Variants in PDE6C observed in about 807,000 individuals in gnomAD.
PDE6C encodes the protein cone cGMP-specific 3',5'-cyclic phosphodiesterase subunit alpha'.
PDE6C carries 75 observed loss-of-function variants against 113.1 expected under a neutral mutation model. The ratio of observed to expected loss-of-function variants is 0.66; its 90% CI spans 0.55 to 0.80. PDE6C has a LOEUF of 0.80. PDE6C is among the 30% of genes least tolerant of loss of function. PDE6C has a pLI of 0.00. For synonymous variants in PDE6C, 375 were observed against 363.7 expected (o/e 1.03, Z -0.35); for missense variants, 912 against 1,038.6 (o/e 0.88, Z 1.67).
intron 16 of PDE6C, 58 bp from the exon 17 acceptor site, chr10:93,658,843 A>G (rs77992899): frequency 2.0e-6 from 2 of 1,004,282 alleles, no homozygotes; most frequent in African/African-American, 3.2e-5. Context: ...TGTATTTAAG[A>G]TATTTTTTCT....
At chr10:93,648,842 T>C (rs2058596208) in intron 15 of PDE6C, among the ~76,000 whole-genome samples, 2 of 152,216 alleles carry the variant, frequency 1.3e-5, no homozygotes, top group African/African-American at 4.8e-5. Context: ...AGAACATCTC[T>C]TTCCAAAGCG....
chr10:93,661,592 T>C lies in PDE6C; in HGVS notation c.2209-467T>C, dbSNP rs781195417. Among the ~76,000 whole-genome samples the C allele has an allele frequency of 1.1e-4, 16 of 152,314 alleles. 1 individual carries two copies. Among genetic ancestry groups the C allele is most frequent in the Middle Eastern group, 3.4e-3 (1 of 294 alleles). On this transcript the variant is annotated intron_variant, in intron 18 of 21. Coordinates refer to ENST00000371447, the MANE Select transcript of PDE6C (RefSeq NM_006204.4). The stretch of plus-strand genomic sequence containing the variant: ...GGCAGCTAGCAGGTGTTCAATGAAC[T>C]TGATAAATGTTTTTTTTTAGTGATA...
At chr10:93,653,243 C>A (rs1354957339) in intron 15 of PDE6C, among the ~76,000 whole-genome samples, 1 of 152,184 alleles carries the variant, frequency 6.6e-6, no homozygotes, top group African/African-American at 2.4e-5. Context: ...TACTTTTCCC[C>A]TCCCTGGTAA....
intron 14 of PDE6C, among the ~76,000 whole-genome samples, chr10:93,641,469 A>C (rs2058559734): frequency 6.6e-6 from 1 of 151,968 alleles, no homozygotes; most frequent in South Asian, 2.1e-4. Context: ...GTCTCTACTA[A>C]AAGTACAAAA....
intron 4 of PDE6C, among the ~76,000 whole-genome samples, chr10:93,622,677 T>C (rs2058454283): frequency 6.9e-6 from 1 of 144,282 alleles, no homozygotes; most frequent in East Asian, 2.1e-4. Flanking sequence ...TTTTTTTTTT[T>C]TGCTGTTTCT....
chr10:93,649,584 A>G (rs78091192), intron 15 of PDE6C, among the ~76,000 whole-genome samples: 2 of 152,084 alleles, frequency 1.3e-5, no homozygotes, highest in African/African-American at 4.8e-5. Flanking sequence ...ATTGAAGTAT[A>G]TATACAATAA....
At chr10:93,642,377 A>G (rs2058564158) in intron 14 of PDE6C, among the ~76,000 whole-genome samples, 1 of 152,184 alleles carries the variant, frequency 6.6e-6, no homozygotes. Flanking sequence ...AAATAAATAA[A>G]TAAATAAACT....
intron 1 of PDE6C, among the ~76,000 whole-genome samples, chr10:93,618,256 G>A (rs928129125): frequency 6.6e-6 from 1 of 152,088 alleles, no homozygotes; most frequent in African/African-American, 2.4e-5. Context: ...TCTCTTCCTA[G>A]TACTTACTGA....
At position 93,658,919 on chromosome 10, in the gene PDE6C, A is replaced by C; in HGVS notation, c.2055A>C (p.Gln685His). ...ALYFKKRTMF[Q>H]KIVDACEQMQ... ...TTTCTAGGAAGAGGACCATGTTTCA[A>C]AAAATTGTTGATGCCTGTGAACAAA... Residue 685 changes from glutamine (Q) to histidine (H), a missense_variant, in exon 17 of 22, where the codon CAA (glutamine) becomes CAC (histidine). Transcript: ENST00000371447. The C allele has an allele frequency of 2.5e-6, 4 of 1,610,846 alleles. No individual in the cohort carries two copies. Among genetic ancestry groups the C allele is most frequent in the Non-Finnish European group, 3.4e-6 (4 of 1,177,260 alleles).
intron 15 of PDE6C, among the ~76,000 whole-genome samples, chr10:93,649,486 T>C (rs1401605009): frequency 6.6e-6 from 1 of 152,206 alleles, no homozygotes; most frequent in Non-Finnish European, 1.5e-5. Context: ...CCTGTGGATA[T>C]ACACAGGAAG....
At chr10:93,665,280 C>A in intron 21 of PDE6C, 80 bp from the exon 22 acceptor site, 1 of 1,047,216 alleles carries the variant, frequency 9.5e-7, no homozygotes, top group Non-Finnish European at 1.5e-6. Context: ...AAAGTTGACA[C>A]TACTATCATG....
intron 8 of PDE6C, 34 bp downstream of exon 8, chr10:93,629,339 G>A (rs774681554): frequency 6.6e-7 from 1 of 1,519,238 alleles, no homozygotes; most frequent in Non-Finnish European, 9.1e-7. Context: ...TCACCTCTTG[G>A]GGCTGGGGTA....
At chr10:93,628,664 T>A (rs1792069885) in intron 7 of PDE6C, among the ~76,000 whole-genome samples, 1 of 152,182 alleles carries the variant, frequency 6.6e-6, no homozygotes, top group South Asian at 2.1e-4. Context: ...TTTATTAAGA[T>A]CCATTTGTGA....
intron 18 of PDE6C, among the ~76,000 whole-genome samples, chr10:93,659,706 C>T (rs1458821957): frequency 6.6e-6 from 1 of 152,164 alleles, no homozygotes; most frequent in Non-Finnish European, 1.5e-5. Context: ...GATTTGTCCC[C>T]ATGATCCAAT....
At chr10:93,663,274 G>A (rs1452598439) in intron 21 of PDE6C, 96 bp downstream of exon 21, 9 of 1,237,414 alleles carry the variant, frequency 7.3e-6, no homozygotes, top group Non-Finnish European at 1.0e-5. Flanking sequence ...ACCACAAACA[G>A]AAAACCTGCT....
chr10:93,624,884 G>A (rs1265390514), intron 4 of PDE6C, among the ~76,000 whole-genome samples: 1 of 152,164 alleles, frequency 6.6e-6, no homozygotes, highest in African/African-American at 2.4e-5. Flanking sequence ...TCCTCTTATG[G>A]TGGAAAGATG....
chr10:93,637,051 T>C lies in PDE6C; in HGVS notation c.1470T>C (p.Leu490=), dbSNP rs1255859486. The part of the protein sequence containing the change: ...DVIDDCEEKQ[L]VAILKEDLPD... ...TTGACGACTGTGAAGAAAAACAACT[T>C]GTTGCAATTTTGGTAAGTGTTTTCT... The change falls in exon 11 of 22, where the codon CTT becomes CTC. Residue 490 remains leucine (L), a synonymous_variant. Coordinates refer to ENST00000371447, the MANE Select transcript of PDE6C (RefSeq NM_006204.4). 2 of 1,593,022 alleles carry C rather than the reference T, an allele frequency of 1.3e-6. No homozygotes were observed. The highest frequency in any genetic ancestry group is 1.7e-5 in the Admixed American group (1 of 59,932).
chr10:93,647,810 A>G (rs1182663718), intron 15 of PDE6C, among the ~76,000 whole-genome samples: 1 of 152,242 alleles, frequency 6.6e-6, no homozygotes, highest in Non-Finnish European at 1.5e-5. Flanking sequence ...CCTGCAGCAG[A>G]ATTCACAGCA....
chr10:93,635,978 G>C (rs1009787106), intron 10 of PDE6C, among the ~76,000 whole-genome samples: 3 of 152,202 alleles, frequency 2.0e-5, no homozygotes, highest in African/African-American at 7.2e-5. Context: ...ACGCCTCAGT[G>C]TCATGCAGTA....
Sources: allele counts gnomAD v4.1 joint callset (sites outside exome capture counted in the v4.1 genomes callset), GRCh38; gene constraint gnomAD v4.1.1; transcripts MANE v1.5; gene names NCBI Gene and HGNC (gene_info 2026-07-23, HGNC 2026-07-21).